The following CARHSP1 variants were observed in gnomAD, a reference collection of about 807,000 sequenced individuals.
The protein encoded by CARHSP1 is calcium-regulated heat-stable protein 1.
In CARHSP1, 14 loss-of-function variants were observed where a neutral mutation model predicts 12.5. The ratio of observed to expected loss-of-function variants is 1.12; its 90% CI spans 0.74 to 1.75. The LOEUF (loss-of-function observed/expected upper bound fraction) is 1.75. CARHSP1 is among the 40% of genes most tolerant of loss of function. The probability of loss-of-function intolerance (pLI) is 0.00; values close to 1 mark genes in which losing one functional copy is unlikely to be tolerated. For synonymous variants in CARHSP1, 161 were observed against 82.0 expected (o/e 1.96, Z -5.20); for missense variants, 343 against 201.6 (o/e 1.70, Z -4.25).
rs1421513279 is a variant in CARHSP1 at position 8,853,720 on chromosome 16, A to C, written c.*1444T>G. 6.6e-6 allele frequency: 1 copy of C among 152,226 alleles called. No individual in the cohort carries two copies. Among genetic ancestry groups the C allele is most frequent in the East Asian group, 1.9e-4 (1 of 5,204 alleles). The allele number at this position is 152,226 out of a possible 1,614,324, so 9.4% of individuals were successfully genotyped here. On this transcript the variant is annotated 3_prime_UTR_variant, in exon 4 of 4. Transcript: ENST00000311052. ...ATAATGCCTAGCTATTTCTACTTTG[A>C]AATCATGACTAAAGCCAAACCACAA...
At chr16:8,868,213 G>C (rs2061479976) in intron 1 of CARHSP1, 1 of 152,264 alleles carries the variant, frequency 6.6e-6, no homozygotes, top group Admixed American at 6.5e-5. Flanking sequence ...TGCCTGGAGC[G>C]GGACGTCTCC....
At chr16:8,861,715 G>C in intron 1 of CARHSP1, 1 of 1,288,246 alleles carries the variant, frequency 7.8e-7, no homozygotes, top group Non-Finnish European at 1.0e-6. Flanking sequence ...GAACTCCTGA[G>C]TCCGGGGAGC....
At position 8,858,345 on chromosome 16, in the gene CARHSP1, C is replaced by G. The variant is rs754134412; in HGVS notation, c.281+5G>C. 1.9e-6 allele frequency: 3 copies of G among 1,613,216 alleles called. No individual in the cohort carries two copies. The highest frequency in any genetic ancestry group is 2.2e-5 in the South Asian group (2 of 91,054). ...CCAGGCCACCCAGACCTGCCGCTGA[C>G]TCACTCAGAGATGTGCAGGAAGATG... On this transcript the variant is annotated splice_donor_5th_base_variant and intron_variant, in intron 3 of 3. Transcript: ENST00000311052.
intron 3 of CARHSP1, among the ~76,000 whole-genome samples, chr16:8,856,962 G>C (rs887953382): frequency 1.3e-5 from 2 of 152,122 alleles, no homozygotes; most frequent in Non-Finnish European, 2.9e-5. Flanking sequence ...TGCAGGAGGA[G>C]AAAGACCCAC....
At chr16:8,866,217 G>C (rs1318925072) in intron 1 of CARHSP1, among the ~76,000 whole-genome samples, 2 of 152,202 alleles carry the variant, frequency 1.3e-5, no homozygotes, top group African/African-American at 2.4e-5. Flanking sequence ...GCCTCCCAAA[G>C]TGCTGGGATT....
At chr16:8,864,221 T>C (rs535293512) in intron 1 of CARHSP1, among the ~76,000 whole-genome samples, 5 of 152,342 alleles carry the variant, frequency 3.3e-5, no homozygotes, top group Admixed American at 3.3e-4. Flanking sequence ...CACACATGGC[T>C]GTCTCTGCAT....
chr16:8,859,324 G>A lies in CARHSP1; in HGVS notation c.5C>T (p.Ser2Leu). 5 of 1,600,206 alleles carry A rather than the reference G, an allele frequency of 3.1e-6. No homozygotes were observed. The highest frequency in any genetic ancestry group is 4.2e-6 in the Non-Finnish European group (5 of 1,178,498). Residue 2 changes from serine to leucine, a missense_variant, in exon 2 of 4, where the codon TCA becomes TTA. Coordinates refer to ENST00000311052, the MANE Select transcript of CARHSP1 (RefSeq NM_014316.4). MSSEPPPPPQPP... is the reference protein window; with the variant it reads MLSEPPPPPQPP... ...CTGTGGTGGTGGGGGAGGCTCAGAT[G>A]ACATGGCTGACCTGGAAAGAGAAGA...
At chr16:8,857,304 T>TG (rs1232896223) in intron 3 of CARHSP1, among the ~76,000 whole-genome samples, 1 of 129,316 alleles carries the variant, frequency 7.7e-6, no homozygotes, top group Non-Finnish European at 1.7e-5. Flanking sequence ...TTTTTTGAGA[T>TG]GGAGTTTTGC....
At chr16:8,860,420 G>A (rs1019157133) in intron 1 of CARHSP1, 1 of 985,320 alleles carries the variant, frequency 1.0e-6, no homozygotes, top group Non-Finnish European at 1.2e-6. Flanking sequence ...TTCAAGAGCA[G>A]GACACTCGCT....
At chr16:8,856,485 A>C (rs998717021) in intron 3 of CARHSP1, among the ~76,000 whole-genome samples, 1 of 152,118 alleles carries the variant, frequency 6.6e-6, no homozygotes, top group East Asian at 1.9e-4. Flanking sequence ...CCCAACCTCT[A>C]TGTTTTCCTT....
In CARHSP1 at chr16:8,855,353, G is replaced by A. The variant is rs200406700; in HGVS notation, c.282-27C>T. On this transcript the variant is annotated intron_variant, in intron 3 of 3. Coordinates refer to ENST00000311052, the MANE Select transcript of CARHSP1 (RefSeq NM_014316.4). Reference sequence around the variant, plus strand: ...TACGGGGGCATAAATAAAGCAGTCAGGGCTCACACCGGGACACAGCTCCCT... The same window carrying A: ...TACGGGGGCATAAATAAAGCAGTCAAGGCTCACACCGGGACACAGCTCCCT... 5.3e-5 allele frequency: 79 copies of A among 1,492,024 alleles called. No individual in the cohort carries two copies. The African/African-American group carries it at 8.7e-4, about 16-fold the overall frequency. 92.4% of individuals were successfully genotyped at this position (1,492,024 alleles called of 1,614,324 possible).
chr16:8,860,522 GTC>G (rs2061318703), intron 1 of CARHSP1: 1 of 985,478 alleles, frequency 1.0e-6, no homozygotes, highest in African/African-American at 1.7e-5. Context: ...CAGTCCAGCA[GTC>G]AGAGGCCCTT....
intron 1 of CARHSP1, among the ~76,000 whole-genome samples, chr16:8,865,878 T>A (rs184476682): frequency 6.6e-6 from 1 of 152,332 alleles, no homozygotes; most frequent in Admixed American, 6.5e-5. Context: ...TTTAATGCAG[T>A]CAGGAATCTC....
intron 1 of CARHSP1, chr16:8,860,210 G>C: frequency 3.0e-6 from 3 of 985,354 alleles, no homozygotes; most frequent in Non-Finnish European, 3.6e-6. Context: ...CCCAGGACTG[G>C]GGGGCCTGCT....
intron 1 of CARHSP1, chr16:8,861,503 C>T (rs911101365): frequency 1.2e-6 from 1 of 826,550 alleles, no homozygotes; most frequent in Non-Finnish European, 1.7e-6. Flanking sequence ...TCAAGCATAG[C>T]CACCCAAGAA....
chr16:8,868,402 C>G (rs1408519077), intron 1 of CARHSP1: 1 of 152,000 alleles, frequency 6.6e-6, no homozygotes, highest in Admixed American at 6.5e-5. Context: ...CTAAGGCACC[C>G]CCACCCCCAT....
chr16:8,859,946 C>G (rs577228362), intron 1 of CARHSP1: 2 of 164,380 alleles, frequency 1.2e-5, no homozygotes, highest in South Asian at 4.0e-4. Context: ...CACTGCACTC[C>G]AGCCTGGGCT....
At chr16:8,865,024 G>GC (rs2061431233) in intron 1 of CARHSP1, among the ~76,000 whole-genome samples, 1 of 152,200 alleles carries the variant, frequency 6.6e-6, no homozygotes, top group Non-Finnish European at 1.5e-5. Flanking sequence ...GAGCCAAGCA[G>GC]CCCTGTGCTT....
At chr16:8,856,078 G>T (rs566079876) in intron 3 of CARHSP1, among the ~76,000 whole-genome samples, 2 of 152,264 alleles carry the variant, frequency 1.3e-5, no homozygotes, top group Non-Finnish European at 2.9e-5. Context: ...GAAAGTGCTG[G>T]GATTACAAGC....
Sources: allele counts gnomAD v4.1 joint callset (sites outside exome capture counted in the v4.1 genomes callset), GRCh38; gene constraint gnomAD v4.1.1; transcripts MANE v1.5; gene names NCBI Gene and HGNC (gene_info 2026-07-23, HGNC 2026-07-21).